The following GBE1 variants were observed in gnomAD, a reference collection of about 807,000 sequenced individuals.
GBE1 encodes the protein 1,4-alpha-glucan branching enzyme 1.
Under a neutral mutation model 88.8 loss-of-function variants are expected in GBE1, and 70 were observed. The ratio of observed to expected loss-of-function variants is 0.79; its 90% CI spans 0.65 to 0.96. The LOEUF (loss-of-function observed/expected upper bound fraction) is 0.96, where lower values mean the gene tolerates loss of function less well. Ranked by LOEUF, GBE1 falls within the 40% of genes least tolerant of loss-of-function variation. The pLI, the probability that GBE1 is intolerant of heterozygous loss-of-function variation, is 0.00. For synonymous variants in GBE1, 284 were observed against 300.1 expected, an observed-to-expected ratio of 0.95 and a Z score of 0.56; for missense variants, 872 against 871.0, an observed-to-expected ratio of 1.00 and a Z score of -0.01.
At chr3:81,627,485 C>T (rs909670306) in intron 7 of GBE1, among the ~76,000 whole-genome samples, 8 of 151,894 alleles carry the variant, frequency 5.3e-5, no homozygotes, top group African/African-American at 1.9e-4. Context: ...TGGAAGAGAA[C>T]AAAGAATGGA....
At position 81,761,518 on chromosome 3, in the gene GBE1, A is replaced by G. The variant is rs1559712625; in HGVS notation, c.-1T>C. The G allele has an allele frequency of 1.2e-6, 2 of 1,606,262 alleles. No homozygotes were observed. Among genetic ancestry groups the G allele is most frequent in the Non-Finnish European group, 8.5e-7 (1 of 1,177,424 alleles). ...CCGCGGGAGTCATCGGAGCCGCCAT[A>G]TTCCGCCGCAGTCCAAGTAGCCGAG... is the stretch of plus-strand genomic sequence containing the variant. On this transcript the variant is annotated 5_prime_UTR_variant, in exon 1 of 16. Transcript: ENST00000429644.
At chr3:81,662,909 T>A (rs924422915) in intron 3 of GBE1, among the ~76,000 whole-genome samples, 6 of 152,190 alleles carry the variant, frequency 3.9e-5, no homozygotes, top group African/African-American at 1.4e-4. Context: ...TGAACTCATA[T>A]AAGAAACGGA....
intron 12 of GBE1, among the ~76,000 whole-genome samples, chr3:81,541,236 C>T (rs939946648): frequency 6.6e-5 from 10 of 151,728 alleles, no homozygotes; most frequent in African/African-American, 2.2e-4. Flanking sequence ...ATTAACTCAT[C>T]GCACAATCTG....
intron 3 of GBE1, chr3:81,650,222 A>G (rs1704826088): frequency 5.2e-6 from 1 of 193,944 alleles, no homozygotes; most frequent in African/African-American, 2.4e-5. Context: ...CTAAAAAGAC[A>G]AGAATATTAT....
intron 15 of GBE1, among the ~76,000 whole-genome samples, chr3:81,490,750 G>A (rs988464191): frequency 6.6e-6 from 1 of 152,066 alleles, no homozygotes; most frequent in Non-Finnish European, 1.5e-5. Flanking sequence ...TGTTGAGGCT[G>A]TATTAGGTGG....
chr3:81,741,327 A>C (rs1245596212), intron 1 of GBE1, among the ~76,000 whole-genome samples: 1 of 152,104 alleles, frequency 6.6e-6, no homozygotes, highest in Non-Finnish European at 1.5e-5. Flanking sequence ...TTTTTAAGCC[A>C]AAGAAAAAGT....
At position 81,649,900 on chromosome 3, in the gene GBE1, C is replaced by T. The variant is rs760648342; in HGVS notation, c.451G>A (p.Gly151Arg). 49 of 1,608,354 alleles carry T rather than the reference C, an allele frequency of 3.0e-5. No homozygotes were observed. Among genetic ancestry groups the T allele is most frequent in the South Asian group, 5.5e-5 (5 of 90,676 alleles). The change falls in exon 4 of 16, where the codon GGA (glycine) becomes AGA (arginine). Residue 151 changes from glycine to arginine, a missense_variant. Coordinates refer to ENST00000429644, the MANE Select transcript of GBE1 (RefSeq NM_000158.4). ...GGTGAAATACGATACAAGATCTCTCCGCTTTTACTAGTAATAACTACCTAA... is the reference window on the plus strand; with the variant it reads ...GGTGAAATACGATACAAGATCTCTCTGCTTTTACTAGTAATAACTACCTAA... ...KLKVVITSKS[G>R]EILYRISPWA...
At chr3:81,674,214 G>A (rs3772902) in intron 2 of GBE1, among the ~76,000 whole-genome samples, 86,040 of 151,506 alleles carry the variant, frequency 0.57, 25,322 homozygotes, top group African/African-American at 0.74. Context: ...GCACCAACCA[G>A]AATATCCACT....
chr3:81,522,239 C>T (rs1702883747), intron 14 of GBE1, among the ~76,000 whole-genome samples: 1 of 151,448 alleles, frequency 6.6e-6, no homozygotes. Flanking sequence ...AGGTGTTAGC[C>T]TCAGAGTACA....
intron 12 of GBE1, among the ~76,000 whole-genome samples, chr3:81,576,553 G>A (rs1243247755): frequency 2.0e-5 from 3 of 152,214 alleles, no homozygotes; most frequent in African/African-American, 7.2e-5. Flanking sequence ...TAAATTGGCT[G>A]TATAACTAAG....
At chr3:81,517,040 T>C (rs1328750176) in intron 14 of GBE1, among the ~76,000 whole-genome samples, 1 of 151,522 alleles carries the variant, frequency 6.6e-6, no homozygotes, top group African/African-American at 2.4e-5. Context: ...ATCAACTAAG[T>C]GGTGGGGTTT....
chr3:81,598,739 T>A (rs963804364), intron 7 of GBE1, among the ~76,000 whole-genome samples: 5 of 151,790 alleles, frequency 3.3e-5, no homozygotes, highest in Non-Finnish European at 5.9e-5. Context: ...CTATTGTATA[T>A]ATTAATTTCA....
At chr3:81,585,993 T>C in intron 10 of GBE1, 99 bp downstream of exon 10, 5 of 663,926 alleles carry the variant, frequency 7.5e-6, no homozygotes, top group Non-Finnish European at 1.3e-5. Flanking sequence ...ACTTCAATTA[T>C]AATATCTGTA....
At chr3:81,628,261 C>T (rs1417984548) in intron 7 of GBE1, among the ~76,000 whole-genome samples, 2 of 152,102 alleles carry the variant, frequency 1.3e-5, no homozygotes, top group Non-Finnish European at 2.9e-5. Flanking sequence ...CCATGTCTTT[C>T]TCTTCTTCAA....
chr3:81,662,278 C>A (rs552117584), intron 3 of GBE1, among the ~76,000 whole-genome samples: 1 of 152,094 alleles, frequency 6.6e-6, no homozygotes, highest in Non-Finnish European at 1.5e-5. Context: ...GTGATCCACC[C>A]GCCTCGGCTT....
intron 14 of GBE1, among the ~76,000 whole-genome samples, chr3:81,522,947 A>T (rs1702894216): frequency 2.0e-5 from 3 of 151,540 alleles, no homozygotes; most frequent in Admixed American, 6.6e-5. Flanking sequence ...ATGTAAAAAC[A>T]TTGAGTATTT....
At chr3:81,592,533 TG>T (rs1193090774) in intron 8 of GBE1, among the ~76,000 whole-genome samples, 2 of 152,290 alleles carry the variant, frequency 1.3e-5, no homozygotes, top group East Asian at 3.9e-4. Context: ...TCAACTTTTC[TG>T]GTATTCTATT....
intron 14 of GBE1, among the ~76,000 whole-genome samples, chr3:81,531,904 C>T (rs1703015681): frequency 6.6e-6 from 1 of 152,038 alleles, no homozygotes; most frequent in African/African-American, 2.4e-5. Context: ...GCTGGGACAG[C>T]AGAAAATATC....
intron 7 of GBE1, among the ~76,000 whole-genome samples, chr3:81,623,965 C>G (rs1409858697): frequency 6.6e-6 from 1 of 152,168 alleles, no homozygotes; most frequent in African/African-American, 2.4e-5. Context: ...GCCACTGTGC[C>G]TGACCCAGAC....
Sources: allele counts gnomAD v4.1 joint callset (sites outside exome capture counted in the v4.1 genomes callset), GRCh38; gene constraint gnomAD v4.1.1; transcripts MANE v1.5; gene names NCBI Gene and HGNC (gene_info 2026-07-23, HGNC 2026-07-21).